Variants in BANK1 observed in about 807,000 individuals in gnomAD.
BANK1 encodes B cell scaffold protein with ankyrin repeats 1, also known as B-cell scaffold protein with ankyrin repeats.
In BANK1, 95 loss-of-function variants were observed where a neutral mutation model predicts 94.5. The ratio of observed to expected loss-of-function variants is 1.00; its 90% CI spans 0.85 to 1.19. BANK1 has a LOEUF of 1.19. Ranked by LOEUF, BANK1 falls within the 50% of genes most tolerant of loss-of-function variation. The pLI is 0.00. For synonymous variants in BANK1, 334 were observed against 308.4 expected (o/e 1.08, Z -0.87); for missense variants, 987 against 932.2 (o/e 1.06, Z -0.77).
chr4:101,901,773 T>G (rs549808875), intron 6 of BANK1, among the ~76,000 whole-genome samples: 203 of 151,478 alleles, frequency 1.3e-3, no homozygotes, highest in African/African-American at 4.8e-3. Context: ...GTTTTTGTTT[T>G]TTTTTGAAAC....
chr4:101,965,944 G>A (rs1187029189), intron 7 of BANK1, among the ~76,000 whole-genome samples: 1 of 152,008 alleles, frequency 6.6e-6, no homozygotes, highest in Non-Finnish European at 1.5e-5. Flanking sequence ...GTCCCCATGG[G>A]CAATGTCTGT....
At chr4:101,940,683 T>G (rs1414606126) in intron 7 of BANK1, among the ~76,000 whole-genome samples, 7 of 151,738 alleles carry the variant, frequency 4.6e-5, no homozygotes, top group Admixed American at 3.9e-4. Context: ...TGTCTAATAT[T>G]TTTCTCACGA....
chr4:101,888,882 G>A (rs1385153779), intron 5 of BANK1, among the ~76,000 whole-genome samples: 2 of 152,126 alleles, frequency 1.3e-5, no homozygotes, highest in African/African-American at 4.8e-5. Context: ...TTTACATTAT[G>A]TAATACTGTC....
intron 6 of BANK1, among the ~76,000 whole-genome samples, chr4:101,897,227 G>T (rs1722114423): frequency 6.6e-6 from 1 of 151,970 alleles, no homozygotes; most frequent in Admixed American, 6.6e-5. Flanking sequence ...CTAGGCAAGA[G>T]AAAGTGCATA....
intron 7 of BANK1, among the ~76,000 whole-genome samples, chr4:101,919,770 A>T (rs1038256547): frequency 6.6e-6 from 1 of 152,010 alleles, no homozygotes; most frequent in African/African-American, 2.4e-5. Flanking sequence ...TTATTTTGTG[A>T]ATGTTCTGCT....
chr4:101,897,626 G>A (rs962248475), intron 6 of BANK1, among the ~76,000 whole-genome samples: 1 of 151,946 alleles, frequency 6.6e-6, no homozygotes, highest in African/African-American at 2.4e-5. Flanking sequence ...TAGGTACTAA[G>A]ACTTTAGAGC....
At chr4:102,001,533 G>A (rs564616973) in intron 7 of BANK1, among the ~76,000 whole-genome samples, 1 of 152,306 alleles carries the variant, frequency 6.6e-6, no homozygotes, top group South Asian at 2.1e-4. Context: ...CCGGGAGGCG[G>A]AGGTTGCAGT....
chr4:101,882,979 G>C (rs575903270), intron 5 of BANK1, among the ~76,000 whole-genome samples: 49 of 152,268 alleles, frequency 3.2e-4, no homozygotes, highest in Non-Finnish European at 5.3e-4. Context: ...GAGATGAGTG[G>C]AGAAAGAACA....
intron 7 of BANK1, among the ~76,000 whole-genome samples, chr4:101,942,613 A>G (rs1723790936): frequency 6.6e-6 from 1 of 151,894 alleles, no homozygotes; most frequent in South Asian, 2.1e-4. Context: ...CTTTCTTTAC[A>G]AAAGGAATCC....
chr4:102,038,873 C>T (rs1727608965), intron 10 of BANK1, among the ~76,000 whole-genome samples: 1 of 152,116 alleles, frequency 6.6e-6, no homozygotes, highest in Non-Finnish European at 1.5e-5. Flanking sequence ...TCAATGATAA[C>T]ACTTCTATCA....
chr4:102,060,706 G>A (rs1340743624), intron 12 of BANK1, among the ~76,000 whole-genome samples: 3 of 152,102 alleles, frequency 2.0e-5, no homozygotes, highest in Admixed American at 6.5e-5. Flanking sequence ...ACTGAAGGGT[G>A]TATTATGTAT....
intron 6 of BANK1, among the ~76,000 whole-genome samples, chr4:101,903,273 C>T (rs974950304): frequency 6.6e-6 from 1 of 152,020 alleles, no homozygotes; most frequent in African/African-American, 2.4e-5. Context: ...TGGAGAATAC[C>T]CACAAAGTCA....
chr4:101,793,027 A>T (rs942484789), intron 1 of BANK1, among the ~76,000 whole-genome samples: 1 of 152,160 alleles, frequency 6.6e-6, no homozygotes, highest in African/African-American at 2.4e-5. Flanking sequence ...TTAATTAGGG[A>T]GTGATTATTT....
intron 10 of BANK1, among the ~76,000 whole-genome samples, chr4:102,030,518 T>C (rs1727264248): frequency 1.3e-5 from 2 of 152,010 alleles, no homozygotes; most frequent in African/African-American, 4.8e-5. Flanking sequence ...CATGCCATGG[T>C]AGTCTGCTGT....
At chr4:101,895,733 A>C (rs1276639000) in intron 6 of BANK1, among the ~76,000 whole-genome samples, 4 of 152,042 alleles carry the variant, frequency 2.6e-5, no homozygotes, top group Admixed American at 2.6e-4. Context: ...ATAACCAAAA[A>C]GTGGAAATAT....
In BANK1 at chr4:101,947,995, G is replaced by A. The variant is rs80045595; in HGVS notation, c.1206+29806G>A. On this transcript the variant is annotated intron_variant, in intron 7 of 16. Coordinates refer to ENST00000322953, the MANE Select transcript of BANK1 (RefSeq NM_017935.5). ...TTCATCCCTTTTTAAACATGAATATGTCCTTAATATATGCTATGTACTGGA... is the reference window on the plus strand; with the variant it reads ...TTCATCCCTTTTTAAACATGAATATATCCTTAATATATGCTATGTACTGGA... Among the ~76,000 whole-genome samples, 854 of 152,070 alleles carry A rather than the reference G, an allele frequency of 5.6e-3. 15 individuals carry two copies. In the East Asian group the frequency reaches 0.057, roughly 10 times the overall value.
chr4:101,971,603 C>T (rs1055207824), intron 7 of BANK1, among the ~76,000 whole-genome samples: 1 of 152,026 alleles, frequency 6.6e-6, no homozygotes, highest in Non-Finnish European at 1.5e-5. Context: ...TAGTTTTCCC[C>T]TGGCAGTTTA....
intron 1 of BANK1, among the ~76,000 whole-genome samples, chr4:101,804,636 C>T (rs534973450): frequency 4.7e-4 from 71 of 152,266 alleles, no homozygotes; most frequent in Non-Finnish European, 8.5e-4. Flanking sequence ...ATCCTGTAAA[C>T]AGATGATGTA....
At chr4:102,060,115 GA>G in intron 11 of BANK1, 95 bp from the exon 12 acceptor site, 1 of 1,125,324 alleles carries the variant, frequency 8.9e-7, no homozygotes. Flanking sequence ...AGAGAGTTAA[GA>G]AGAAGCTACT....
Sources: gnomAD v4.1 joint callset for allele counts (sites outside exome capture counted in the v4.1 genomes callset) on GRCh38, gnomAD v4.1.1 for gene constraint, MANE v1.5 for transcripts, NCBI Gene and HGNC (gene_info 2026-07-23, HGNC 2026-07-21) for gene names.